The following FGFR2 variants were observed in gnomAD, a reference collection of about 807,000 sequenced individuals.
The protein encoded by FGFR2 is BEK fibroblast growth factor receptor.
In FGFR2, 19 loss-of-function variants were observed where a neutral mutation model predicts 95.9. The ratio of observed to expected loss-of-function variants is 0.20; its 90% CI spans 0.14 to 0.29. The LOEUF is 0.29. FGFR2 is among the 10% of genes least tolerant of loss of function. The probability of loss-of-function intolerance (pLI) is 1.00; values close to 1 mark genes in which losing one functional copy is unlikely to be tolerated. For missense variants in FGFR2, 707 were observed against 1,056.9 expected (o/e 0.67, Z 4.59); for synonymous variants, 392 against 393.3 (o/e 1.00, Z 0.04).
intron 10 of FGFR2, among the ~76,000 whole-genome samples, chr10:121,503,446 C>A (rs1413555792): frequency 6.6e-6 from 1 of 152,142 alleles, no homozygotes; most frequent in Non-Finnish European, 1.5e-5. Context: ...GTTCTAGTAA[C>A]CAAAAGCTAG....
rs778288494 is a variant in FGFR2, at chr10:121,520,138, G to A, written c.780C>T (p.Ala260=). The A allele has an allele frequency of 1.7e-5, 27 of 1,613,828 alleles. No individual in the cohort carries two copies. In the Admixed American group the frequency reaches 1.8e-4, roughly 11 times the overall value. The change falls in exon 7 of 18, where the codon GCC becomes GCT. Residue 260 remains alanine (A), a synonymous_variant. Coordinates refer to ENST00000358487, the MANE Select transcript of FGFR2 (RefSeq NM_000141.5). ...ERSPHRPILQ[A]GLPANASTVV... ...CTGTGGAGGCATTTGCCGGCAGTCC[G>A]GCTTGGAGGATGGGCCGGTGAGGCG...
At chr10:121,522,663 CTGCTACCTGAT>C (rs1302820926) in intron 6 of FGFR2, among the ~76,000 whole-genome samples, 2 of 152,226 alleles carry the variant, frequency 1.3e-5, no homozygotes, top group East Asian at 3.8e-4. Context: ...GACCACCAGA[CTGCTACCTGAT>C]CTTGTCGTAC....
intron 4 of FGFR2, among the ~76,000 whole-genome samples, chr10:121,554,971 T>G (rs1212668871): frequency 6.6e-6 from 1 of 152,194 alleles, no homozygotes; most frequent in South Asian, 2.1e-4. Flanking sequence ...TTAACAACTC[T>G]CATTTGGAGA....
intron 6 of FGFR2, among the ~76,000 whole-genome samples, chr10:121,533,199 G>A (rs1317155660): frequency 1.3e-5 from 2 of 152,180 alleles, no homozygotes; most frequent in African/African-American, 4.8e-5. Flanking sequence ...GACCAGCCTG[G>A]CCAACATGGT....
At chr10:121,500,580 T>A (rs1486429617) in intron 11 of FGFR2, among the ~76,000 whole-genome samples, 2 of 151,902 alleles carry the variant, frequency 1.3e-5, no homozygotes, top group Non-Finnish European at 2.9e-5. Context: ...GAAGAAGGAG[T>A]CAAAGAATAA....
At chr10:121,555,072 T>A (rs1475091602) in intron 4 of FGFR2, among the ~76,000 whole-genome samples, 2 of 152,176 alleles carry the variant, frequency 1.3e-5, no homozygotes, top group African/African-American at 4.8e-5. Flanking sequence ...CTCAACAATC[T>A]TATCTAAAAT....
intron 2 of FGFR2, among the ~76,000 whole-genome samples, chr10:121,577,158 A>AAT (rs1859958046): frequency 2.9e-4 from 4 of 13,958 alleles, no homozygotes; most frequent in African/African-American, 5.4e-4. Flanking sequence ...AAAAAAAAAA[A>AAT]ATATATATAT....
At chr10:121,569,034 T>C (rs750538955) in intron 2 of FGFR2, among the ~76,000 whole-genome samples, 16 of 152,132 alleles carry the variant, frequency 1.1e-4, no homozygotes, top group Non-Finnish European at 1.9e-4. Context: ...TGGTTTATTA[T>C]TGGTAAGATT....
rs374608214 is a variant in FGFR2 at position 121,520,010 on chromosome 10, G to C, written c.908C>G (p.Pro303Arg). The C allele has an allele frequency of 8.1e-6, 13 of 1,614,052 alleles. No individual in the cohort carries two copies. The highest frequency in any genetic ancestry group is 9.3e-6 in the Non-Finnish European group (11 of 1,180,046). Residue 303 changes from proline to arginine, a missense_variant, in exon 7 of 18, where the codon CCC becomes CGC. Pro to Arg is a moderately radical substitution (Grantham distance 103, BLOSUM62 -2). This residue lies in a region of FGFR2 where 139 missense variants were observed against 278.1 expected (regional missense o/e 0.50). Transcript: ENST00000358487. Reference sequence around the variant, plus strand: ...AACCTTGAGGTAGGGCAGCCCGTCGGGCCCGTATTTACTGCCGTTCTTTTC... The same window carrying C: ...AACCTTGAGGTAGGGCAGCCCGTCGCGCCCGTATTTACTGCCGTTCTTTTC... ...HVEKNGSKYG[P>R]DGLPYLKVLK...
chr10:121,577,462 G>T (rs1175908669), intron 2 of FGFR2, among the ~76,000 whole-genome samples: 3 of 152,036 alleles, frequency 2.0e-5, no homozygotes, highest in African/African-American at 7.3e-5. Flanking sequence ...TGAGAGAGGA[G>T]GGGGCAGGGC....
chr10:121,535,353 T>C (rs2134545465), intron 6 of FGFR2, among the ~76,000 whole-genome samples: 2 of 152,366 alleles, frequency 1.3e-5, no homozygotes, highest in South Asian at 4.1e-4. Context: ...TTACTGATGA[T>C]AAAACAGAGC....
intron 11 of FGFR2, among the ~76,000 whole-genome samples, chr10:121,499,378 T>C (rs1186900857): frequency 1.3e-5 from 2 of 152,122 alleles, no homozygotes; most frequent in African/African-American, 2.4e-5. Flanking sequence ...ATAAGAACCA[T>C]GTTGCAAACA....
intron 6 of FGFR2, among the ~76,000 whole-genome samples, chr10:121,528,306 GT>G (rs558916659): frequency 2.0e-5 from 3 of 151,838 alleles, no homozygotes; most frequent in Non-Finnish European, 2.9e-5. Context: ...TCGCTGTAGG[GT>G]TTTTTTTACT....
chr10:121,480,404 T>A (rs1228847019), intron 17 of FGFR2: 5 of 376,078 alleles, frequency 1.3e-5, no homozygotes, highest in Admixed American at 7.9e-5. Flanking sequence ...ACCCGCTGAG[T>A]CTACACCACC....
At chr10:121,576,315 G>A (rs377733897) in intron 2 of FGFR2, among the ~76,000 whole-genome samples, 1 of 152,204 alleles carries the variant, frequency 6.6e-6, no homozygotes, top group Non-Finnish European at 1.5e-5. Flanking sequence ...AGTCCTGCAC[G>A]CCCCGGCTTG....
rs1260201556 is a variant in FGFR2, at chr10:121,485,053, T to A, written c.2195+342A>T. 6.6e-6 allele frequency among the ~76,000 whole-genome samples: 1 copy of A among 152,014 alleles called. No homozygotes were observed. Among genetic ancestry groups the A allele is most frequent in the African/African-American group, 2.4e-5 (1 of 41,398 alleles). ...TCTAGCTTGTTTCCTGACCCGTGGG[T>A]CTTCCTGTCACTCCACGGGAGACCG... On this transcript the variant is annotated intron_variant, in intron 16 of 17. Transcript: ENST00000358487. This position sits in a 1 kb window ranked among gnomAD's most constrained non-coding sequence, Gnocchi z 4.2.
At position 121,576,175 on chromosome 10, in the gene FGFR2, G is replaced by A. The variant is rs555870207; in HGVS notation, c.110-10471C>T. On this transcript the variant is annotated intron_variant, in intron 2 of 17. Coordinates refer to ENST00000358487, the MANE Select transcript of FGFR2 (RefSeq NM_000141.5). The stretch of plus-strand genomic sequence containing the variant: ...GCCCTCCAACCTGGGCAACAAGAGC[G>A]AAACTCCGTCTCAAAAAATAAATAA... Among the ~76,000 whole-genome samples the A allele has an allele frequency of 1.1e-4, 17 of 152,264 alleles. No individual in the cohort carries two copies. The South Asian group carries it at 2.1e-3, about 19-fold the overall frequency.
At chr10:121,497,445 T>G (rs916990336) in intron 12 of FGFR2, among the ~76,000 whole-genome samples, 2 of 152,236 alleles carry the variant, frequency 1.3e-5, no homozygotes, top group African/African-American at 4.8e-5. Flanking sequence ...TTTTTACCCA[T>G]ACATTATCCT....
At chr10:121,538,377 T>C (rs746844110) in intron 6 of FGFR2, 1 of 811,982 alleles carries the variant, frequency 1.2e-6, no homozygotes, top group Non-Finnish European at 2.2e-6. Context: ...TTGGGAACCA[T>C]GAGGATCATG....
Sources: allele counts gnomAD v4.1 joint callset (sites outside exome capture counted in the v4.1 genomes callset), GRCh38; gene constraint gnomAD v4.1.1; regional missense constraint gnomAD v4.1.1; non-coding constraint Gnocchi (gnomAD v3.1); transcripts MANE v1.5; gene names NCBI Gene and HGNC (gene_info 2026-07-23, HGNC 2026-07-21).